Variants in TAB2 observed in about 807,000 individuals in gnomAD.
TAB2 encodes the protein TGF-beta activated kinase 1 (MAP3K7) binding protein 2.
Under a neutral mutation model 65.0 loss-of-function variants are expected in TAB2, and 3 were observed. That is an observed-to-expected ratio of 0.05 (90% CI 0.02 to 0.12). The LOEUF is 0.12. TAB2 is among the 10% of genes least tolerant of loss of function. The pLI is 1.00. For synonymous variants in TAB2, 298 were observed against 285.1 expected (o/e 1.05, Z -0.46); for missense variants, 623 against 840.3 (o/e 0.74, Z 3.20).
intron 2 of TAB2, among the ~76,000 whole-genome samples, chr6:149,372,690 GATA>G (rs1393869673): frequency 2.0e-5 from 3 of 152,078 alleles, no homozygotes; most frequent in African/African-American, 7.2e-5. Context: ...AAAGTGAGTT[GATA>G]ATAATTTAGG....
chr6:149,395,252 A>G (rs776737313), intron 3 of TAB2, among the ~76,000 whole-genome samples: 16 of 152,270 alleles, frequency 1.1e-4, no homozygotes, highest in Non-Finnish European at 2.1e-4. Context: ...TAAGCAGCAT[A>G]TAGCTGAGGT....
At chr6:149,365,335 C>G (rs1383879034) in intron 1 of TAB2, among the ~76,000 whole-genome samples, 1 of 152,158 alleles carries the variant, frequency 6.6e-6, no homozygotes, top group African/African-American at 2.4e-5. Context: ...AAATGACTTA[C>G]TGCTCCACAA....
At chr6:149,394,584 C>CT (rs1782106639) in intron 3 of TAB2, among the ~76,000 whole-genome samples, 1 of 152,074 alleles carries the variant, frequency 6.6e-6, no homozygotes, top group African/African-American at 2.4e-5. Context: ...ATCTCTTTTT[C>CT]TTTCAGGTTA....
intron 1 of TAB2, among the ~76,000 whole-genome samples, chr6:149,238,884 G>A (rs370052863): frequency 2.6e-5 from 4 of 152,326 alleles, no homozygotes; most frequent in Admixed American, 2.0e-4. Context: ...AGACGACAGA[G>A]CCTTCGCCAA....
rs747237511 is a variant in TAB2, at chr6:149,397,631, T to G, written c.1631T>G (p.Met544Arg). 1.7e-5 allele frequency: 27 copies of G among 1,614,078 alleles called. No individual in the cohort carries two copies. The highest frequency in any genetic ancestry group is 2.2e-5 in the Non-Finnish European group (26 of 1,180,004). Residue 544 changes from methionine to arginine, a missense_variant, in exon 4 of 7, where the codon ATG becomes AGG. Physicochemically the swap from Met to Arg is moderately conservative, Grantham distance 91. Around this residue, in one of 3 missense-constraint regions of TAB2, gnomAD observed 550 missense variants for 665.7 expected, o/e 0.83. Coordinates refer to ENST00000637181, the MANE Select transcript of TAB2 (RefSeq NM_001292034.3). The stretch of plus-strand genomic sequence containing the variant: ...CTTTTGGTACACCAGAAGGCCAGAA[T>G]GGAACGACTTCAAAGAGAACTTGAG... The part of the protein sequence containing the change: ...QALLVHQKAR[M>R]ERLQRELEIQ...
chr6:149,328,043 A>G (rs369890254), intron 1 of TAB2, among the ~76,000 whole-genome samples: 1 of 152,186 alleles, frequency 6.6e-6, no homozygotes, highest in African/African-American at 2.4e-5. Context: ...TGTTGAAGGT[A>G]ATTAGTTCAT....
intron 1 of TAB2, among the ~76,000 whole-genome samples, chr6:149,226,337 CA>C (rs1228182501): frequency 2.0e-5 from 3 of 152,134 alleles, no homozygotes; most frequent in Non-Finnish European, 4.4e-5. Flanking sequence ...TTCCGCTCTT[CA>C]GTGACTCCAA....
intron 1 of TAB2, among the ~76,000 whole-genome samples, chr6:149,292,117 A>G (rs1778789921): frequency 6.6e-6 from 1 of 152,238 alleles, no homozygotes; most frequent in Admixed American, 6.5e-5. Context: ...ATAAAGGAGT[A>G]ATCTTAGAAG....
intron 1 of TAB2, among the ~76,000 whole-genome samples, chr6:149,364,739 C>T (rs1413059240): frequency 6.7e-6 from 1 of 149,136 alleles, no homozygotes; most frequent in African/African-American, 2.5e-5. Flanking sequence ...TTTCATAAGA[C>T]CTATATATCC....
At position 149,378,443 on chromosome 6, in the gene TAB2, C is replaced by A; in HGVS notation, c.528C>A (p.Pro176=). 6.2e-7 allele frequency: 1 copy of A among 1,614,230 alleles called. No homozygotes were observed. Among genetic ancestry groups the A allele is most frequent in the Non-Finnish European group, 8.5e-7 (1 of 1,180,046 alleles). The part of the protein sequence containing the change: ...SLSQQTPRFN[P]IMVTLAPNIQ... The stretch of plus-strand genomic sequence containing the variant: ...CTCAACAAACTCCCAGATTTAATCC[C>A]ATTATGGTAACTTTAGCCCCAAATA... Residue 176 remains proline, a synonymous_variant, in exon 3 of 7, where the codon CCC becomes CCA. Coordinates refer to ENST00000637181, the MANE Select transcript of TAB2 (RefSeq NM_001292034.3).
chr6:149,254,118 G>A (rs1441632514), intron 1 of TAB2, among the ~76,000 whole-genome samples: 7 of 109,676 alleles, frequency 6.4e-5, no homozygotes, highest in Non-Finnish European at 8.1e-5. Context: ...AGGAAGGACA[G>A]GGAAGGGAAG....
rs142266273 is a variant in TAB2, at chr6:149,349,865, T to G, written c.-89-20044T>G. Among the ~76,000 whole-genome samples the G allele has an allele frequency of 9.9e-5, 15 of 152,276 alleles. No individual in the cohort carries two copies. The East Asian group carries it at 2.9e-3, about 29-fold the overall frequency. On this transcript the variant is annotated intron_variant, in intron 1 of 6. Transcript: ENST00000637181. The stretch of plus-strand genomic sequence containing the variant: ...TACTGAGCATCCACTTGACATACAC[T>G]AAGTAGTTAGGATACACCAGTGAAA...
At chr6:149,284,902 A>G (rs76039641) in intron 1 of TAB2, among the ~76,000 whole-genome samples, 1 of 152,126 alleles carries the variant, frequency 6.6e-6, no homozygotes, top group Non-Finnish European at 1.5e-5. Flanking sequence ...GATTTTGCCA[A>G]GTCCATCATC....
At chr6:149,252,605 GT>G (rs1032937113) in intron 1 of TAB2, among the ~76,000 whole-genome samples, 5 of 152,164 alleles carry the variant, frequency 3.3e-5, no homozygotes, top group African/African-American at 1.2e-4. Flanking sequence ...ATTAACTTTG[GT>G]TTTTAAAAAT....
chr6:149,241,921 C>T (rs1777605149), intron 1 of TAB2, among the ~76,000 whole-genome samples: 1 of 152,168 alleles, frequency 6.6e-6, no homozygotes, highest in African/African-American at 2.4e-5. Context: ...CTCTGCTGCC[C>T]CGTAAGGCTG....
Position 149,397,998 on chromosome 6 carries a change from T to G in TAB2, c.1794T>G (p.Cys598Trp). The G allele has an allele frequency of 1.2e-6, 2 of 1,613,878 alleles. No individual in the cohort carries two copies. Among genetic ancestry groups the G allele is most frequent in the Non-Finnish European group, 1.7e-6 (2 of 1,179,942 alleles). Residue 598 changes from cysteine (C) to tryptophan (W), a missense_variant, in exon 5 of 7, where the codon TGT becomes TGG. This residue lies in a region of TAB2 where 56 missense variants were observed against 130.3 expected (regional missense o/e 0.43). Coordinates refer to ENST00000637181, the MANE Select transcript of TAB2 (RefSeq NM_001292034.3). ...AAGAAATGCAGCAGCTGAGAAGTTG[T>G]AATAGACAACTCCAGATTGACATTG... ...SLEEMQQLRSCNRQLQIDIDC... is the reference protein window; with the variant it reads ...SLEEMQQLRSWNRQLQIDIDC...
rs558012328 is a variant in TAB2, at chr6:149,325,915, T to A, written c.-90+7900T>A. 2.0e-5 allele frequency among the ~76,000 whole-genome samples: 3 copies of A among 152,236 alleles called. 1 individual carries two copies. In the South Asian group the frequency reaches 6.2e-4, roughly 32 times the overall value. On this transcript the variant is annotated intron_variant, in intron 1 of 6. Transcript: ENST00000637181. The stretch of plus-strand genomic sequence containing the variant: ...CCACAACGCTCAGCTTACTTTTTAT[T>A]TTTTGTAGAGAAGGGTTCTTCCTAT...
At chr6:149,242,473 G>A (rs367775626) in intron 1 of TAB2, among the ~76,000 whole-genome samples, 1 of 152,224 alleles carries the variant, frequency 6.6e-6, no homozygotes, top group East Asian at 1.9e-4. Flanking sequence ...TCCTAAAGTT[G>A]CCTGTGAGTA....
intron 6 of TAB2, among the ~76,000 whole-genome samples, chr6:149,403,570 C>A (rs954363813): frequency 1.3e-5 from 2 of 151,402 alleles, no homozygotes; most frequent in Non-Finnish European, 2.9e-5. Flanking sequence ...TAAAGGAATA[C>A]CTGAGGCTTG....
Sources: gnomAD v4.1 joint callset for allele counts (sites outside exome capture counted in the v4.1 genomes callset) on GRCh38, gnomAD v4.1.1 for gene constraint, gnomAD v4.1.1 regional missense constraint, MANE v1.5 for transcripts, NCBI Gene and HGNC (gene_info 2026-07-23, HGNC 2026-07-21) for gene names.